FKBP9: variants seen among roughly 807,000 people sequenced by gnomAD.
The protein encoded by FKBP9 is FKBP prolyl isomerase 9.
In FKBP9, 27 loss-of-function variants were observed where a neutral mutation model predicts 55.6. That is an observed-to-expected ratio of 0.49 (90% CI 0.36 to 0.67). The LOEUF (loss-of-function observed/expected upper bound fraction) is 0.67, where lower values mean the gene tolerates loss of function less well. Ranked by LOEUF, FKBP9 falls within the 30% of genes least tolerant of loss-of-function variation. FKBP9 has a pLI of 0.00. For missense variants in FKBP9, 539 were observed against 742.8 expected (o/e 0.73, Z 3.19); for synonymous variants, 267 against 296.5 (o/e 0.90, Z 1.02).
intron 1 of FKBP9, among the ~76,000 whole-genome samples, chr7:32,973,693 T>TTG (rs1554285050): frequency 7.8e-5 from 5 of 64,140 alleles, no homozygotes; most frequent in Non-Finnish European, 1.5e-4. Context: ...TTTTTTTTTT[T>TTG]TTTTTTTTTT....
chr7:32,966,277 C>T (rs1294242131), intron 1 of FKBP9, among the ~76,000 whole-genome samples: 1 of 150,080 alleles, frequency 6.7e-6, no homozygotes, highest in East Asian at 1.9e-4. Flanking sequence ...TTTGTGTAGG[C>T]AGTTTAGTGT....
intron 1 of FKBP9, among the ~76,000 whole-genome samples, chr7:32,958,636 G>C (rs1205359343): frequency 7.4e-6 from 1 of 135,590 alleles, no homozygotes; most frequent in African/African-American, 2.4e-5. Flanking sequence ...ACTGCAGCCT[G>C]GGAGACAGAG....
chr7:32,976,844 CACTT>C (rs1160124566), intron 4 of FKBP9, among the ~76,000 whole-genome samples: 4 of 152,152 alleles, frequency 2.6e-5, no homozygotes, highest in Admixed American at 6.5e-5. Context: ...CAGAAATTTC[CACTT>C]ACTTATAGTC....
chr7:32,976,126 A>C (rs1164068081), intron 3 of FKBP9, among the ~76,000 whole-genome samples: 2 of 152,192 alleles, frequency 1.3e-5, no homozygotes, highest in African/African-American at 4.8e-5. Flanking sequence ...TTAGTGGAAT[A>C]GCTGGCCTGT....
intron 6 of FKBP9, among the ~76,000 whole-genome samples, chr7:32,991,377 T>G (rs1395547995): frequency 6.6e-6 from 1 of 152,052 alleles, no homozygotes; most frequent in Non-Finnish European, 1.5e-5. Context: ...CAAGTGCTCT[T>G]GAGTGGAGTC....
At chr7:32,990,843 T>C (rs1198832696) in intron 6 of FKBP9, among the ~76,000 whole-genome samples, 1 of 152,244 alleles carries the variant, frequency 6.6e-6, no homozygotes, top group East Asian at 1.9e-4. Context: ...ATATGTATCT[T>C]GAGAGTTTTC....
At chr7:32,965,475 C>T (rs1226200186) in intron 1 of FKBP9, among the ~76,000 whole-genome samples, 2 of 151,946 alleles carry the variant, frequency 1.3e-5, no homozygotes, top group African/African-American at 4.8e-5. Flanking sequence ...AGATTTAAAC[C>T]TACATTTAGA....
At chr7:32,977,946 G>C (rs1455859318) in intron 4 of FKBP9, among the ~76,000 whole-genome samples, 2 of 134,226 alleles carry the variant, frequency 1.5e-5, no homozygotes, top group Admixed American at 1.6e-4. Flanking sequence ...TTTTGAGACA[G>C]AGTCTCACTC....
chr7:32,974,949 A>G (rs1784330996), intron 2 of FKBP9, 187 bp downstream of exon 2: 12 of 647,020 alleles, frequency 1.9e-5, no homozygotes, highest in Non-Finnish European at 2.9e-5. Context: ...AGAAAGTGTC[A>G]TTAACACAGA....
rs150187948 is a variant in FKBP9 at position 32,976,369 on chromosome 7, A to G, written c.573A>G (p.Lys191=). ...TLFDSSHNRM[K]TYDTYVGIGW... ...TACCTTTCAGTCACAATCGCATGAAAACATATGACACGTATGTGGGAATTG... is the reference window on the plus strand; with the variant it reads ...TACCTTTCAGTCACAATCGCATGAAGACATATGACACGTATGTGGGAATTG... Residue 191 remains lysine (K), a synonymous_variant, in exon 4 of 10, where the codon AAA becomes AAG. Transcript: ENST00000242209. The G allele has an allele frequency of 6.2e-6, 10 of 1,613,830 alleles. No homozygotes were observed. Among genetic ancestry groups the G allele is most frequent in the Non-Finnish European group, 8.5e-6 (10 of 1,179,872 alleles).
chr7:32,997,181 C>T (rs369662209), intron 7 of FKBP9, among the ~76,000 whole-genome samples: 10 of 151,736 alleles, frequency 6.6e-5, no homozygotes, highest in African/African-American at 9.7e-5. Flanking sequence ...GTGATCCTCC[C>T]GCCTCAGCCT....
chr7:32,982,264 A>G (rs942416603), intron 5 of FKBP9, among the ~76,000 whole-genome samples: 2 of 152,170 alleles, frequency 1.3e-5, no homozygotes. Flanking sequence ...CAGGTGATCC[A>G]CCCAACGCAG....
intron 5 of FKBP9, among the ~76,000 whole-genome samples, chr7:32,983,913 T>C (rs1193524001): frequency 2.6e-5 from 4 of 151,424 alleles, no homozygotes; most frequent in Non-Finnish European, 5.9e-5. Flanking sequence ...GGCATTTGTC[T>C]GTTTCTTGTT....
In FKBP9 at chr7:32,974,715, G is replaced by A. The variant is rs1213234761; in HGVS notation, c.320G>A (p.Arg107His). 3 of 1,613,950 alleles carry A rather than the reference G, an allele frequency of 1.9e-6. No homozygotes were observed. The highest frequency in any genetic ancestry group is 1.7e-6 in the Non-Finnish European group (2 of 1,179,858). ...ALVGMCVNER[R>H]FVKIPPKLAY... ...GTTGGGATGTGCGTAAACGAGAGAC[G>A]TTTCGTGAAGATTCCCCCAAAGCTT... The change falls in exon 2 of 10, where the codon CGT (arginine) becomes CAT (histidine). Residue 107 changes from arginine to histidine, a missense_variant. Arg to His is a conservative substitution (Grantham distance 29). Transcript: ENST00000242209.
At chr7:32,998,624 G>A (rs926030885) in intron 7 of FKBP9, 6 of 152,320 alleles carry the variant, frequency 3.9e-5, no homozygotes, top group African/African-American at 1.2e-4. Flanking sequence ...CTGGGCTAAT[G>A]GAAAGCTTGG....
At chr7:32,959,261 C>G (rs1583834932) in intron 1 of FKBP9, among the ~76,000 whole-genome samples, 1 of 152,120 alleles carries the variant, frequency 6.6e-6, no homozygotes, top group African/African-American at 2.4e-5. Context: ...AAAAATTAGC[C>G]GGGCGAGGTG....
intron 1 of FKBP9, among the ~76,000 whole-genome samples, chr7:32,971,414 G>A (rs1784250512): frequency 6.6e-6 from 1 of 152,190 alleles, no homozygotes; most frequent in Non-Finnish European, 1.5e-5. Context: ...AAATGAAGAA[G>A]TTAATACTGT....
intron 8 of FKBP9, among the ~76,000 whole-genome samples, chr7:33,001,360 G>C (rs149822763): frequency 0.04 from 6,022 of 152,094 alleles, 208 homozygotes; most frequent in African/African-American, 0.084. Context: ...CTGGTTAACA[G>C]GGTGAAACCC....
Position 32,997,688 on chromosome 7 carries a change from C to T in FKBP9, c.1226+1339C>T, listed in dbSNP as rs549785446. On this transcript the variant is annotated intron_variant, in intron 7 of 9. Coordinates refer to ENST00000242209, the MANE Select transcript of FKBP9 (RefSeq NM_007270.5). ...ACTAAAAATACAAAAATTAGCCGGG[C>T]GTAGTGGCGGGCAAATGTAATCCCA... is the stretch of plus-strand genomic sequence containing the variant. Among the ~76,000 whole-genome samples, 579 of 152,264 alleles carry T rather than the reference C, an allele frequency of 3.8e-3. 1 individual carries two copies. Among genetic ancestry groups the T allele is most frequent in the Non-Finnish European group, 6.9e-3 (467 of 68,014 alleles).
Sources: gnomAD v4.1 joint callset for allele counts (sites outside exome capture counted in the v4.1 genomes callset) on GRCh38, gnomAD v4.1.1 for gene constraint, MANE v1.5 for transcripts, NCBI Gene and HGNC (gene_info 2026-07-23, HGNC 2026-07-21) for gene names.